The following DLG2 variants were observed in gnomAD, a reference collection of about 807,000 sequenced individuals.
The protein encoded by DLG2 is discs large MAGUK scaffold protein 2.
A neutral mutation model predicts 132.5 loss-of-function variants in DLG2; 45 were observed. The observed-to-expected ratio is 0.34, with a 90% CI of 0.27 to 0.44. The LOEUF (loss-of-function observed/expected upper bound fraction) is 0.44. Among genes scored for constraint, DLG2 ranks in the 20% least tolerant of loss-of-function variants. The pLI is 1.00. For synonymous variants in DLG2, 424 were observed against 419.6 expected (o/e 1.01, Z -0.13); for missense variants, 1,045 against 1,196.9 (o/e 0.87, Z 1.87).
rs117484164 is a variant in DLG2 at position 84,780,907 on chromosome 11, G to A, written c.358-246176C>T. ...TTTCCCACTAGATGGCAACTGCTCA[G>A]TTGTTTAGAACGGCTGAGTAGCTAA... On this transcript the variant is annotated intron_variant, in intron 6 of 27. Transcript: ENST00000376104. 7.7e-4 allele frequency among the ~76,000 whole-genome samples: 113 copies of A among 146,306 alleles called. 1 individual carries two copies. In the East Asian group the frequency reaches 0.021, roughly 27 times the overall value.
chr11:84,801,367 A>C (rs866780549), intron 6 of DLG2, among the ~76,000 whole-genome samples: 4 of 152,252 alleles, frequency 2.6e-5, no homozygotes, highest in African/African-American at 9.6e-5. Flanking sequence ...CAGGAGATCA[A>C]GACCATCCTG....
At chr11:83,899,577 G>A (rs779384322) in intron 15 of DLG2, among the ~76,000 whole-genome samples, 25 of 152,176 alleles carry the variant, frequency 1.6e-4, no homozygotes, top group Non-Finnish European at 3.7e-4. Context: ...TAAGTCTCAT[G>A]AGATCTGATG....
intron 6 of DLG2, among the ~76,000 whole-genome samples, chr11:84,692,978 A>T (rs898560346): frequency 1.3e-5 from 2 of 151,794 alleles, no homozygotes; most frequent in African/African-American, 4.8e-5. Context: ...CACATTCTTA[A>T]TAACTGCGCA....
intron 6 of DLG2, among the ~76,000 whole-genome samples, chr11:84,638,793 G>T (rs2099645218): frequency 6.6e-6 from 1 of 152,170 alleles, no homozygotes; most frequent in African/African-American, 2.4e-5. Context: ...ATTTGTGTGT[G>T]TGTGTATGTG....
chr11:85,153,324 T>C (rs1386760197), intron 5 of DLG2, among the ~76,000 whole-genome samples: 1 of 152,186 alleles, frequency 6.6e-6, no homozygotes, highest in African/African-American at 2.4e-5. Flanking sequence ...GGTATTTTCT[T>C]AGTTGTTCCC....
At chr11:84,409,284 C>G (rs187585404) in intron 7 of DLG2, among the ~76,000 whole-genome samples, 1 of 152,188 alleles carries the variant, frequency 6.6e-6, no homozygotes, top group African/African-American at 2.4e-5. Context: ...CTTAGAAGGG[C>G]CCTTTATACC....
chr11:85,418,103 C>T (rs1279387290), intron 3 of DLG2, among the ~76,000 whole-genome samples: 5 of 152,160 alleles, frequency 3.3e-5, no homozygotes, highest in Non-Finnish European at 7.3e-5. Context: ...CTAAATACTG[C>T]TTTACCTGTG....
At position 84,262,808 on chromosome 11, in the gene DLG2, T is replaced by C. The variant is rs2097564592; in HGVS notation, c.520-11517A>G. 2.0e-5 allele frequency among the ~76,000 whole-genome samples: 3 copies of C among 152,168 alleles called. No individual in the cohort carries two copies. The South Asian group carries it at 6.2e-4, about 32-fold the overall frequency. Reference sequence around the variant, plus strand: ...TTTTCCGTTTCTGAGTAGCTTCACATAGAATAATAGTCTACTGTCTCATCC... The same window carrying C: ...TTTTCCGTTTCTGAGTAGCTTCACACAGAATAATAGTCTACTGTCTCATCC... On this transcript the variant is annotated intron_variant, in intron 7 of 27. Coordinates refer to ENST00000376104, the MANE Select transcript of DLG2 (RefSeq NM_001142699.3).
At chr11:84,005,776 A>T (rs2094545717) in intron 11 of DLG2, among the ~76,000 whole-genome samples, 1 of 151,952 alleles carries the variant, frequency 6.6e-6, no homozygotes. Flanking sequence ...ATGAGATATC[A>T]TCTTATCCCA....
At chr11:83,962,636 A>T (rs1271406638) in intron 14 of DLG2, among the ~76,000 whole-genome samples, 1 of 152,086 alleles carries the variant, frequency 6.6e-6, no homozygotes. Flanking sequence ...GATCAGATAT[A>T]GAAAGTCTTA....
intron 11 of DLG2, among the ~76,000 whole-genome samples, chr11:83,998,013 T>C (rs1331312202): frequency 6.6e-6 from 1 of 151,896 alleles, no homozygotes; most frequent in African/African-American, 2.4e-5. Context: ...TGTGCACCTC[T>C]AATCCCAGCT....
intron 6 of DLG2, among the ~76,000 whole-genome samples, chr11:84,598,507 T>A (rs2099568669): frequency 6.6e-6 from 1 of 152,222 alleles, no homozygotes; most frequent in Admixed American, 6.5e-5. Context: ...TATCTAATCC[T>A]ATTCATCACT....
At chr11:84,073,778 T>C (rs117453971) in intron 10 of DLG2, among the ~76,000 whole-genome samples, 1,589 of 152,318 alleles carry the variant, frequency 0.01, 12 homozygotes, top group Non-Finnish European at 0.015. Context: ...AAGTATACCA[T>C]GTGGCAAACT....
chr11:84,940,451 T>C (rs1405537100), intron 6 of DLG2, among the ~76,000 whole-genome samples: 5 of 152,200 alleles, frequency 3.3e-5, no homozygotes, highest in African/African-American at 9.6e-5. Context: ...TGCCCAGCCA[T>C]GATTTACACT....
intron 7 of DLG2, among the ~76,000 whole-genome samples, chr11:84,385,918 A>G (rs1429133187): frequency 6.6e-6 from 1 of 152,138 alleles, no homozygotes; most frequent in Non-Finnish European, 1.5e-5. Context: ...GTTACTACTG[A>G]ATAACATTTT....
chr11:84,183,956 T>G (rs569807867), intron 8 of DLG2, among the ~76,000 whole-genome samples: 40 of 152,080 alleles, frequency 2.6e-4, no homozygotes, highest in Non-Finnish European at 4.7e-4. Flanking sequence ...GTGCCACATT[T>G]TCTTAATCCA....
chr11:84,653,881 G>A (rs989481979), intron 6 of DLG2, among the ~76,000 whole-genome samples: 1 of 152,070 alleles, frequency 6.6e-6, no homozygotes, highest in African/African-American at 2.4e-5. Context: ...AGCCTTTCTT[G>A]GGAGAGGCAT....
intron 10 of DLG2, among the ~76,000 whole-genome samples, chr11:84,079,916 T>G (rs2096880071): frequency 6.6e-6 from 1 of 152,160 alleles, no homozygotes; most frequent in African/African-American, 2.4e-5. Context: ...TTCACTTGGG[T>G]AACAGTTACC....
intron 6 of DLG2, among the ~76,000 whole-genome samples, chr11:84,921,623 C>T (rs1182168148): frequency 6.6e-6 from 1 of 152,120 alleles, no homozygotes; most frequent in Non-Finnish European, 1.5e-5. Context: ...CAAAATATAA[C>T]AATGAAATAG....
Sources: gnomAD v4.1 joint callset for allele counts (sites outside exome capture counted in the v4.1 genomes callset) on GRCh38, gnomAD v4.1.1 for gene constraint, MANE v1.5 for transcripts, NCBI Gene and HGNC (gene_info 2026-07-23, HGNC 2026-07-21) for gene names.